The following MAB21L4 variants were observed in gnomAD, a reference collection of about 807,000 sequenced individuals.
MAB21L4 encodes protein mab-21-like 4.
MAB21L4 carries 25 observed loss-of-function variants against 32.4 expected under a neutral mutation model. That is an observed-to-expected ratio of 0.77 (90% CI 0.56 to 1.08). The LOEUF is 1.08. Ranked by LOEUF, MAB21L4 falls within the 50% of genes least tolerant of loss-of-function variation. MAB21L4 has a pLI of 0.00. For missense variants in MAB21L4, 638 were observed against 611.0 expected (o/e 1.04, Z -0.47); for synonymous variants, 280 against 276.8 (o/e 1.01, Z -0.11).
intron 1 of MAB21L4, among the ~76,000 whole-genome samples, chr2:240,894,683 T>C (rs1430065191): frequency 6.6e-6 from 1 of 152,198 alleles, no homozygotes; most frequent in African/African-American, 2.4e-5. Flanking sequence ...CCCATGCCTG[T>C]AATCCCAGCT....
At position 240,888,629 on chromosome 2, in the gene MAB21L4, G is replaced by A. The variant is rs1261758884; in HGVS notation, c.914C>T (p.Ser305Phe). 1 of 1,585,736 alleles carries A rather than the reference G, an allele frequency of 6.3e-7. No individual in the cohort carries two copies. The highest frequency in any genetic ancestry group is 8.6e-7 in the Non-Finnish European group (1 of 1,166,020). Residue 305 changes from serine (S) to phenylalanine (F), a missense_variant, in exon 4 of 5, where the codon TCT (serine) becomes TTT (phenylalanine). Transcript: ENST00000388934. The stretch of plus-strand genomic sequence containing the variant: ...GTCCTCGGGCGCCAGGAAGAGCACA[G>A]AGGCCCACAGCAGCACCATCTGCAG... ...GHLKMVLLWA[S>F]VLFLAPEDWA...
Position 240,886,961 on chromosome 2 carries a change from C to T in MAB21L4, c.*109G>A. 1 of 842,080 alleles carries T rather than the reference C, an allele frequency of 1.2e-6. No homozygotes were observed. The allele number at this position is 842,080 out of a possible 1,614,324, so 52.2% of individuals were successfully genotyped here. A position where few individuals can be genotyped will look rare whatever the true frequency, so the allele number is the denominator to read the frequency against. On this transcript the variant is annotated 3_prime_UTR_variant, in exon 5 of 5. Transcript: ENST00000388934. Reference sequence around the variant, plus strand: ...GGGGACAAAATCCCTCCACTACCCCCTCAAGGAGAAGCCCGTTTCTTCTTC... The same window carrying T: ...GGGGACAAAATCCCTCCACTACCCCTTCAAGGAGAAGCCCGTTTCTTCTTC...
chr2:240,890,273 G>T, intron 2 of MAB21L4, 115 bp from the exon 3 acceptor site: 1 of 1,313,336 alleles, frequency 7.6e-7, no homozygotes, highest in Non-Finnish European at 1.0e-6. Context: ...TGCTGCGTCT[G>T]CTGGTGGGAC....
At chr2:240,888,202 G>T in intron 4 of MAB21L4, 90 bp downstream of exon 4, 1 of 1,081,300 alleles carries the variant, frequency 9.2e-7, no homozygotes, top group African/African-American at 1.7e-5. Context: ...CTGCTGACCT[G>T]GGAGAGAATG....
At chr2:240,891,874 T>G in intron 1 of MAB21L4, 111 bp from the exon 2 acceptor site, 1 of 1,580,072 alleles carries the variant, frequency 6.3e-7, no homozygotes, top group South Asian at 1.1e-5. Flanking sequence ...ACCTCTCACC[T>G]GCAGCCCTCT....
rs1381862852 is a variant in MAB21L4 at position 240,895,885 on chromosome 2, C to T, written c.113G>A (p.Arg38His). The part of the protein sequence containing the change: ...REAPRAQDFQ[R>H]AENVLLTVLE... The stretch of plus-strand genomic sequence containing the variant: ...CACCGTGAGCAGCACGTTCTCTGCG[C>T]GCTGGAAGTCCTGGGCACGCGGCGC... Residue 38 changes from arginine (R) to histidine (H), a missense_variant, in exon 1 of 5, where the codon CGC becomes CAC. Coordinates refer to ENST00000388934, the MANE Select transcript of MAB21L4 (RefSeq NM_001085437.3). 8.5e-6 allele frequency: 13 copies of T among 1,537,804 alleles called. No homozygotes were observed. Among genetic ancestry groups the T allele is most frequent in the African/African-American group, 4.1e-5 (3 of 72,732 alleles).
chr2:240,892,273 G>A (rs930482078), intron 1 of MAB21L4, among the ~76,000 whole-genome samples: 1 of 152,104 alleles, frequency 6.6e-6, no homozygotes, highest in Non-Finnish European at 1.5e-5. Context: ...GGGCCACAGG[G>A]CTCCCACTCC....
At position 240,895,746 on chromosome 2, in the gene MAB21L4, G is replaced by GGGCA. The variant is rs1267044133; in HGVS notation, c.248_251dup (p.Leu85AlafsTer12). The GGGCA allele has an allele frequency of 6.2e-7, 1 of 1,612,778 alleles. No homozygotes were observed. The highest frequency in any genetic ancestry group is 8.5e-7 in the Non-Finnish European group (1 of 1,179,988). Reference sequence around the variant, plus strand: ...GTAGAGCCTCGGCATCCACCCACAGGGGCACCTCCATGTCCATTGGGTCCT... The same window carrying GGGCA: ...GTAGAGCCTCGGCATCCACCCACAGGGGCAGGCACCTCCATGTCCATTGGGTCCT... On this transcript the variant is annotated frameshift_variant, in exon 1 of 5. Coordinates refer to ENST00000388934, the MANE Select transcript of MAB21L4 (RefSeq NM_001085437.3). LOFTEE classifies it high-confidence loss of function.
chr2:240,888,841 T>G (rs1196013821), intron 3 of MAB21L4, among the ~76,000 whole-genome samples, 193 bp from the exon 4 acceptor site: 1 of 145,314 alleles, frequency 6.9e-6, no homozygotes, highest in Non-Finnish European at 1.5e-5. Context: ...GCCTGCTGGC[T>G]CCCGAAGGCA....
In MAB21L4 at chr2:240,889,764, C is replaced by T. The variant is rs1048196432; in HGVS notation, c.894+241G>A. 5.3e-5 allele frequency among the ~76,000 whole-genome samples: 8 copies of T among 152,336 alleles called. No homozygotes were observed. The East Asian group carries it at 5.8e-4, about 11-fold the overall frequency. The stretch of plus-strand genomic sequence containing the variant: ...AGGGCCAGGAGGGCCTCCGAGGTCA[C>T]GGCCTAGGGATGGCGAAGGCCAGCC... On this transcript the variant is annotated intron_variant, in intron 3 of 4. Transcript: ENST00000388934.
At position 240,886,897 on chromosome 2, in the gene MAB21L4, G is replaced by C; in HGVS notation, c.*173C>G. 2 of 569,692 alleles carry C rather than the reference G, an allele frequency of 3.5e-6. No homozygotes were observed. The highest frequency in any genetic ancestry group is 6.2e-6 in the Non-Finnish European group (2 of 322,340). The allele number at this position is 569,692 out of a possible 1,614,324, so 35.3% of individuals were successfully genotyped here. A position where few individuals can be genotyped will look rare whatever the true frequency, so the allele number is the denominator to read the frequency against. ...GGAGGTGCTCCAAGAGGCCTGCCCT[G>C]CCCCACCAGGCACTGAAAGACTCTC... On this transcript the variant is annotated 3_prime_UTR_variant, in exon 5 of 5. Transcript: ENST00000388934.
Position 240,895,788 on chromosome 2 carries a change from G to T in MAB21L4, c.210C>A (p.Phe70Leu), listed in dbSNP as rs777658838. ...DYSRGLEAFQFALRSSEDPMD... is the reference protein window; with the variant it reads ...DYSRGLEAFQLALRSSEDPMD... Reference sequence around the variant, plus strand: ...TTGGGTCCTCAGAGGAGCGCAGGGCGAACTGGAAGGCCTCCAGGCCACGGG... The same window carrying T: ...TTGGGTCCTCAGAGGAGCGCAGGGCTAACTGGAAGGCCTCCAGGCCACGGG... The change falls in exon 1 of 5, where the codon TTC becomes TTA. Residue 70 changes from phenylalanine (F) to leucine (L), a missense_variant. Physicochemically the swap from Phe to Leu is conservative, Grantham distance 22. Transcript: ENST00000388934. 6.2e-7 allele frequency: 1 copy of T among 1,606,590 alleles called. No homozygotes were observed. Among genetic ancestry groups the T allele is most frequent in the Non-Finnish European group, 8.5e-7 (1 of 1,175,524 alleles).
chr2:240,890,249 C>G, intron 2 of MAB21L4, 91 bp from the exon 3 acceptor site: 1 of 1,473,356 alleles, frequency 6.8e-7, no homozygotes, highest in Non-Finnish European at 9.1e-7. Flanking sequence ...CGGGCCCTGG[C>G]CAGGGTCGTG....
intron 2 of MAB21L4, among the ~76,000 whole-genome samples, chr2:240,891,098 G>A (rs2059143634): frequency 6.6e-6 from 1 of 152,176 alleles, no homozygotes; most frequent in Non-Finnish European, 1.5e-5. Flanking sequence ...GGGTCTCCAG[G>A]GGAGCTCAGC....
chr2:240,891,102 G>A (rs1257459039), intron 2 of MAB21L4, among the ~76,000 whole-genome samples: 1 of 152,204 alleles, frequency 6.6e-6, no homozygotes, highest in African/African-American at 2.4e-5. Context: ...CTCCAGGGGA[G>A]CTCAGCCTGT....
At chr2:240,893,759 C>CCTCTCTGGGGGCGTGAGGAGG (rs1416103444) in intron 1 of MAB21L4, among the ~76,000 whole-genome samples, 2 of 152,168 alleles carry the variant, frequency 1.3e-5, no homozygotes, top group Admixed American at 1.3e-4. Context: ...GCGTGAGGAG[C>CCTCTCTGGGGGCGTGAGGAGG]CTGGCGGCTT....
chr2:240,891,469 G>T, intron 2 of MAB21L4, 69 bp downstream of exon 2: 3 of 1,413,108 alleles, frequency 2.1e-6, no homozygotes, highest in South Asian at 2.7e-5. Context: ...TGGGGCCAGG[G>T]GAGCATGGGG....
intron 2 of MAB21L4, 131 bp from the exon 3 acceptor site, chr2:240,890,289 C>A: frequency 6.9e-6 from 8 of 1,152,400 alleles, no homozygotes; most frequent in African/African-American, 1.6e-5. Context: ...GGGACCCAGC[C>A]GGAACCCAGG....
chr2:240,895,874 C>A lies in MAB21L4; in HGVS notation c.124G>T (p.Val42Leu). The change falls in exon 1 of 5, where the codon GTG (valine) becomes TTG (leucine). Residue 42 changes from valine to leucine, a missense_variant. By Grantham distance (32) the Val-to-Leu change is conservative. Transcript: ENST00000388934. ...RAQDFQRAEN[V>L]LLTVLERVHA... ...ACGCGCTCCAGCACCGTGAGCAGCA[C>A]GTTCTCTGCGCGCTGGAAGTCCTGG... is the stretch of plus-strand genomic sequence containing the variant. 1 of 1,548,628 alleles carries A rather than the reference C, an allele frequency of 6.5e-7. No individual in the cohort carries two copies. The highest frequency in any genetic ancestry group is 1.2e-5 in the South Asian group (1 of 81,060).
Sources: gnomAD v4.1 joint callset for allele counts (sites outside exome capture counted in the v4.1 genomes callset) on GRCh38, gnomAD v4.1.1 for gene constraint, MANE v1.5 for transcripts, NCBI Gene and HGNC (gene_info 2026-07-23, HGNC 2026-07-21) for gene names.